CR1: variants seen among roughly 807,000 people sequenced by gnomAD.
CR1 encodes complement receptor type 1.
Under a neutral mutation model 187.3 loss-of-function variants are expected in CR1, and 116 were observed. The ratio of observed to expected loss-of-function variants is 0.62; its 90% CI spans 0.53 to 0.72. The LOEUF is 0.72. Ranked by LOEUF, CR1 falls within the 30% of genes least tolerant of loss-of-function variation. The pLI is 0.00. For synonymous variants in CR1, 576 were observed against 747.1 expected (o/e 0.77, Z 3.73); for missense variants, 1,731 against 2,110.7 (o/e 0.82, Z 3.52).
chr1:207,522,333 A>G (rs1480997910), intron 4 of CR1, among the ~76,000 whole-genome samples: 1 of 152,210 alleles, frequency 6.6e-6, no homozygotes, highest in African/African-American at 2.4e-5. Flanking sequence ...CAGCAAATTT[A>G]TTTTCAGTTA....
Position 207,580,606 on chromosome 1 carries a change from G to A in CR1, c.5209G>A (p.Asp1737Asn), listed in dbSNP as rs1344330313. The A allele has an allele frequency of 6.2e-7, 1 of 1,613,038 alleles. No individual in the cohort carries two copies. The highest frequency in any genetic ancestry group is 8.5e-7 in the Non-Finnish European group (1 of 1,179,520). ...QLGAKVSFVC[D>N]EGFRLKGSSV... The stretch of plus-strand genomic sequence containing the variant: ...TGGGGCAAAGGTGTCCTTTGTCTGT[G>A]ATGAAGGGTAAGTGTGACCCAGAAT... Residue 1737 changes from aspartate (D) to asparagine (N), a missense_variant, in exon 31 of 47, where the codon GAT becomes AAT. Physicochemically the swap from Asp to Asn is conservative, Grantham distance 23 (BLOSUM62 1). Transcript: ENST00000367049.
intron 23 of CR1, 122 bp downstream of exon 23, chr1:207,564,356 A>T: frequency 6.6e-7 from 1 of 1,507,192 alleles, no homozygotes; most frequent in Non-Finnish European, 9.0e-7. Context: ...CTTCAGAGAG[A>T]TGAACTTTCG....
chr1:207,574,695 T>G (rs1490498229), intron 27 of CR1, among the ~76,000 whole-genome samples: 1 of 152,160 alleles, frequency 6.6e-6, no homozygotes, highest in African/African-American at 2.4e-5. Context: ...AAACTTACAT[T>G]ACAGAAAAGA....
Position 207,609,451 on chromosome 1 carries a change from A to C in CR1, c.6058A>C (p.Ser2020Arg). ...LVGERSIYCT[S>R]KDDQVGVWSS... ...GGGAGAACGGTCAATATATTGCACC[A>C]GCAAAGATGATCAAGTTGGTGTTTG... Residue 2020 changes from serine to arginine, a missense_variant, in exon 37 of 47, where the codon AGC becomes CGC. Ser to Arg is a moderately radical substitution (Grantham distance 110). Coordinates refer to ENST00000367049, the MANE Select transcript of CR1 (RefSeq NM_000651.6). The C allele has an allele frequency of 6.2e-7, 1 of 1,614,058 alleles. No homozygotes were observed. Among genetic ancestry groups the C allele is most frequent in the Non-Finnish European group, 8.5e-7 (1 of 1,179,892 alleles).
At chr1:207,630,496 A>T (rs755843172) in intron 45 of CR1, 21 bp from the exon 46 acceptor site, 1 of 1,491,124 alleles carries the variant, frequency 6.7e-7, no homozygotes, top group Non-Finnish European at 9.1e-7. Context: ...CAGTTTTTCT[A>T]TTTTTTTCTC....
rs1659499874 is a variant in CR1 at position 207,508,090 on chromosome 1, A to G, written c.401+1277A>G. On this transcript the variant is annotated intron_variant, in intron 3 of 46. Transcript: ENST00000367049. Reference sequence around the variant, plus strand: ...TTCCAACTATATGCCATTCTGGAAAAGGCAAAACTATGGAGACAGTGAAAA... The same window carrying G: ...TTCCAACTATATGCCATTCTGGAAAGGGCAAAACTATGGAGACAGTGAAAA... Among the ~76,000 whole-genome samples the G allele has an allele frequency of 2.0e-5, 3 of 152,364 alleles. No homozygotes were observed. In the South Asian group the frequency reaches 6.2e-4, roughly 32 times the overall value.
intron 42 of CR1, among the ~76,000 whole-genome samples, chr1:207,618,940 G>A (rs55943005): frequency 6.7e-6 from 1 of 149,042 alleles, no homozygotes; most frequent in Non-Finnish European, 1.5e-5. Context: ...TCGTGAGGCT[G>A]AGGCATGAGA....
chr1:207,592,768 C>G (rs1241509810), intron 35 of CR1, among the ~76,000 whole-genome samples: 2 of 151,798 alleles, frequency 1.3e-5, no homozygotes, highest in Non-Finnish European at 2.9e-5. Flanking sequence ...AAAATCAATG[C>G]AAAAATCACA....
rs56183224 is a variant in CR1 at position 207,617,567 on chromosome 1, A to G, written c.6890-504A>G. On this transcript the variant is annotated intron_variant, in intron 41 of 46. Transcript: ENST00000367049. ...TGTGTATATATATATGTGTATATAT[A>G]TGTGTGTGTGTATATATATATATAT... Among the ~76,000 whole-genome samples, 4 of 63,036 alleles carry G rather than the reference A, an allele frequency of 6.3e-5. 1 individual carries two copies. The highest frequency in any genetic ancestry group is 1.1e-4 in the Non-Finnish European group (3 of 28,434). The allele number at this position is 63,036 out of a possible 152,430, so 41.4% of individuals were successfully genotyped here.
chr1:207,510,482 A>T (rs1659576878), intron 3 of CR1, among the ~76,000 whole-genome samples: 1 of 152,162 alleles, frequency 6.6e-6, no homozygotes, highest in South Asian at 2.1e-4. Context: ...TCATTCCTTC[A>T]TGTATAGTAC....
chr1:207,609,006 C>T (rs1248574656), intron 36 of CR1, among the ~76,000 whole-genome samples: 2 of 152,124 alleles, frequency 1.3e-5, no homozygotes, highest in African/African-American at 4.8e-5. Context: ...AGTACCTTAA[C>T]AATCTGTGAT....
At chr1:207,624,908 CA>C (rs756053532) in intron 45 of CR1, among the ~76,000 whole-genome samples, 27 of 152,262 alleles carry the variant, frequency 1.8e-4, no homozygotes, top group Middle Eastern at 6.8e-3. Context: ...TAAAACCACA[CA>C]GGGGAAATGA....
At chr1:207,610,837 T>G (rs1053116651) in intron 37 of CR1, among the ~76,000 whole-genome samples, 21 of 152,194 alleles carry the variant, frequency 1.4e-4, no homozygotes, top group African/African-American at 5.1e-4. Flanking sequence ...TGTATATATT[T>G]ATGGGTATAT....
At chr1:207,622,183 G>A (rs748407170) in intron 44 of CR1, among the ~76,000 whole-genome samples, 187 bp downstream of exon 44, 1 of 152,156 alleles carries the variant, frequency 6.6e-6, no homozygotes, top group Non-Finnish European at 1.5e-5. Context: ...GGTGAAACTG[G>A]CATCGTCATA....
chr1:207,631,836 T>C (rs1662654603), intron 46 of CR1, among the ~76,000 whole-genome samples: 2 of 152,242 alleles, frequency 1.3e-5, no homozygotes, highest in African/African-American at 4.8e-5. Context: ...AGGCCAGTCC[T>C]GTAGAAAGCA....
In CR1 at chr1:207,611,808, T is replaced by C. The variant is rs779111590; in HGVS notation, c.6427T>C (p.Cys2143Arg). Residue 2143 changes from cysteine (C) to arginine (R), a missense_variant, in exon 38 of 47, where the codon TGC becomes CGC. This residue lies in a region of CR1 where 1,312 missense variants were observed against 1,379.6 expected (regional missense o/e 0.95). Transcript: ENST00000367049. ...CCTCAGAGGGGCTGCGTCTCTGCACTGCACGCCCCAGGGAGACTGGAGCCC... is the reference window on the plus strand; with the variant it reads ...CCTCAGAGGGGCTGCGTCTCTGCACCGCACGCCCCAGGGAGACTGGAGCCC... Reference protein sequence around the residue: ...YDLRGAASLHCTPQGDWSPEA... With the variant: ...YDLRGAASLHRTPQGDWSPEA... 1 of 1,614,010 alleles carries C rather than the reference T, an allele frequency of 6.2e-7. No homozygotes were observed. The highest frequency in any genetic ancestry group is 8.5e-7 in the Non-Finnish European group (1 of 1,179,894).
chr1:207,580,466 A>C (rs1660899236), intron 30 of CR1, 45 bp from the exon 31 acceptor site: 1 of 1,601,558 alleles, frequency 6.2e-7, no homozygotes, highest in Admixed American at 1.7e-5. Flanking sequence ...CCACACATGG[A>C]GGTCTTACTC....
chr1:207,574,913 A>G (rs1480925576), intron 27 of CR1, among the ~76,000 whole-genome samples: 2 of 152,234 alleles, frequency 1.3e-5, no homozygotes, highest in Non-Finnish European at 2.9e-5. Flanking sequence ...AGAGGGAAAG[A>G]AAAGGAAAGA....
At chr1:207,604,110 G>A (rs1259549214) in intron 35 of CR1, among the ~76,000 whole-genome samples, 5 of 152,120 alleles carry the variant, frequency 3.3e-5, no homozygotes, top group Non-Finnish European at 4.4e-5. Context: ...GGCAAAAACG[G>A]CATTTTATTT....
Sources: allele counts gnomAD v4.1 joint callset (sites outside exome capture counted in the v4.1 genomes callset), GRCh38; gene constraint gnomAD v4.1.1; regional missense constraint gnomAD v4.1.1; transcripts MANE v1.5; gene names NCBI Gene and HGNC (gene_info 2026-07-23, HGNC 2026-07-21).